NHSL2: variants seen among roughly 807,000 people sequenced by gnomAD.
The protein encoded by NHSL2 is NHS like 2.
Under a neutral mutation model 53.4 loss-of-function variants are expected in NHSL2, and 27 were observed. The observed-to-expected ratio is 0.51, with a 90% CI of 0.37 to 0.70. The LOEUF is 0.70. Among genes scored for constraint, NHSL2 ranks in the 30% least tolerant of loss-of-function variants. The pLI is 0.00. For missense variants in NHSL2, 892 were observed against 980.1 expected (o/e 0.91, Z 1.20); for synonymous variants, 408 against 404.1 (o/e 1.01, Z -0.12).
At chrX:72,100,163 C>A (rs2041979451) in intron 1 of NHSL2, among the ~76,000 whole-genome samples, 1 of 111,907 alleles carries the variant, frequency 8.9e-6, no homozygotes, top group South Asian at 3.7e-4. Flanking sequence ...CAAGTACAGT[C>A]AGGCCTCGCT....
chrX:72,143,192 G>A, intron 7 of NHSL2, 61 bp from the exon 8 acceptor site: 1 of 856,878 alleles, frequency 1.2e-6, no homozygotes, highest in South Asian at 2.6e-5. Flanking sequence ...ATGGGGGTCT[G>A]TGAAGCACTG....
At chrX:72,025,338 G>A (rs992490749) in intron 1 of NHSL2, among the ~76,000 whole-genome samples, 2 of 112,556 alleles carry the variant, frequency 1.8e-5, no homozygotes, top group East Asian at 2.8e-4. Flanking sequence ...AGGGGTCCAC[G>A]CCATGGCCTA....
At chrX:71,970,502 G>A (rs1355987038) in intron 1 of NHSL2, among the ~76,000 whole-genome samples, 6 of 111,214 alleles carry the variant, frequency 5.4e-5, no homozygotes, top group Admixed American at 9.5e-5. Context: ...CTAAGTTACC[G>A]AATTTGTTGC....
At chrX:72,052,199 T>C (rs2042344374) in intron 1 of NHSL2, among the ~76,000 whole-genome samples, 1 of 112,072 alleles carries the variant, frequency 8.9e-6, no homozygotes, top group African/African-American at 3.2e-5. Context: ...CCTGGCTTTG[T>C]GGCACTTCCA....
intron 1 of NHSL2, among the ~76,000 whole-genome samples, chrX:71,981,206 G>A (rs1282125647): frequency 8.9e-6 from 1 of 112,399 alleles, no homozygotes; most frequent in Non-Finnish European, 1.9e-5. Context: ...TTGTGCTTCA[G>A]AGGTTACCAA....
chrX:72,126,249 G>T (rs866709209), intron 1 of NHSL2, among the ~76,000 whole-genome samples: 3 of 111,773 alleles, frequency 2.7e-5, no homozygotes, highest in Middle Eastern at 4.6e-3. Context: ...GAGGCAGGGG[G>T]GGTAGGACAG....
intron 1 of NHSL2, among the ~76,000 whole-genome samples, chrX:71,954,487 CAAT>C (rs1429895413): frequency 2.7e-5 from 3 of 112,440 alleles, no homozygotes; most frequent in African/African-American, 3.2e-5. Flanking sequence ...CCTGCAACAA[CAAT>C]GAGCTCAAGG....
intron 1 of NHSL2, among the ~76,000 whole-genome samples, chrX:72,090,772 A>AGT (rs372070874): frequency 0.025 from 2,337 of 93,940 alleles, 18 homozygotes; most frequent in East Asian, 0.041. Flanking sequence ...AGTGTATGTG[A>AGT]GTGTGTGTGT....
intron 1 of NHSL2, among the ~76,000 whole-genome samples, chrX:71,952,084 A>G (rs2041823594): frequency 8.9e-6 from 1 of 112,302 alleles, no homozygotes; most frequent in Non-Finnish European, 1.9e-5. Context: ...ATGCAAAAAC[A>G]AAACCAAAAA....
At chrX:72,120,572 G>T (rs1470273721) in intron 1 of NHSL2, among the ~76,000 whole-genome samples, 4 of 112,069 alleles carry the variant, frequency 3.6e-5, no homozygotes, top group African/African-American at 9.7e-5. Context: ...TGTAATTGGG[G>T]TCTTCTCTCT....
At chrX:72,066,831 T>TA (rs1254525196) in intron 1 of NHSL2, among the ~76,000 whole-genome samples, 2 of 111,357 alleles carry the variant, frequency 1.8e-5, no homozygotes, top group Non-Finnish European at 3.8e-5. Flanking sequence ...CAATGATGGT[T>TA]AAAAAAACTG....
rs2042503639 is a variant in NHSL2, at chrX:72,150,500, G to A, written c.*6926G>A. The A allele has an allele frequency of 8.9e-6, 1 of 112,176 alleles. No homozygotes were observed. Among genetic ancestry groups the A allele is most frequent in the Non-Finnish European group, 1.9e-5 (1 of 53,265 alleles). The allele number at this position is 112,176 out of a possible 1,213,427, so 9.2% of individuals were successfully genotyped here. ...AAATGCTCATGAGATATTTAGTTGT[G>A]TTCTAGAAATTTCACCTGGCTTGAT... On this transcript the variant is annotated 3_prime_UTR_variant, in exon 8 of 8. Transcript: ENST00000633930.
chrX:72,035,278 A>C (rs1203673060), intron 1 of NHSL2, among the ~76,000 whole-genome samples: 3 of 111,227 alleles, frequency 2.7e-5, no homozygotes, highest in African/African-American at 6.5e-5. Flanking sequence ...GTGTGACTTC[A>C]AATATTTTTA....
At chrX:71,958,034 C>G (rs59230910) in intron 1 of NHSL2, among the ~76,000 whole-genome samples, 1 of 107,097 alleles carries the variant, frequency 9.3e-6, no homozygotes, top group Non-Finnish European at 1.9e-5. Context: ...AGGTGACATT[C>G]GAGCTGGTTT....
rs2042175395 is a variant in NHSL2 at position 72,024,470 on chromosome X, T to A, written c.281-107609T>A. ...TTGAAGATCCCAGATCCCAAAAGAATACAAATGGCACAGTACTCTGCATGG... is the reference window on the plus strand; with the variant it reads ...TTGAAGATCCCAGATCCCAAAAGAAAACAAATGGCACAGTACTCTGCATGG... On this transcript the variant is annotated intron_variant, in intron 1 of 7. Transcript: ENST00000633930. Among the ~76,000 whole-genome samples, 3 of 112,279 alleles carry A rather than the reference T, an allele frequency of 2.7e-5. No individual in the cohort carries two copies. In the Admixed American group the frequency reaches 2.8e-4, roughly 11 times the overall value.
chrX:72,112,280 T>C (rs2042099514), intron 1 of NHSL2, among the ~76,000 whole-genome samples: 1 of 110,716 alleles, frequency 9.0e-6, no homozygotes, highest in African/African-American at 3.3e-5. Flanking sequence ...TGAGAAGCAA[T>C]GGGAAGATGT....
At chrX:72,094,238 AC>A (rs2147450043) in intron 1 of NHSL2, among the ~76,000 whole-genome samples, 1 of 111,923 alleles carries the variant, frequency 8.9e-6, no homozygotes, top group East Asian at 2.8e-4. Flanking sequence ...CCCTAGAGAA[AC>A]TCTGAGACAG....
At chrX:72,022,773 C>T (rs753323833) in intron 1 of NHSL2, among the ~76,000 whole-genome samples, 3 of 111,681 alleles carry the variant, frequency 2.7e-5, no homozygotes, top group South Asian at 3.8e-4. Context: ...TTTCCCAGCC[C>T]TGTTAGAGTC....
At chrX:71,936,619 T>C (rs894504831) in intron 1 of NHSL2, among the ~76,000 whole-genome samples, 2 of 112,234 alleles carry the variant, frequency 1.8e-5, no homozygotes, top group Admixed American at 1.9e-4. Context: ...GGAGTGCCAC[T>C]TCTAAATACA....
Sources: allele counts gnomAD v4.1 joint callset (sites outside exome capture counted in the v4.1 genomes callset), GRCh38; gene constraint gnomAD v4.1.1; transcripts MANE v1.5; gene names NCBI Gene and HGNC (gene_info 2026-07-23, HGNC 2026-07-21).